Variants in FTO observed in about 807,000 individuals in gnomAD.
The protein encoded by FTO is alpha-ketoglutarate-dependent dioxygenase FTO.
In FTO, 47 loss-of-function variants were observed where a neutral mutation model predicts 63.9. The observed-to-expected ratio is 0.74, with a 90% CI of 0.58 to 0.94. The LOEUF (loss-of-function observed/expected upper bound fraction) is 0.94, where lower values mean the gene tolerates loss of function less well. Among genes scored for constraint, FTO ranks in the 40% least tolerant of loss-of-function variants. The pLI, the probability that FTO is intolerant of heterozygous loss-of-function variation, is 0.00. For missense variants in FTO, 562 were observed against 618.1 expected, an observed-to-expected ratio of 0.91 and a Z score of 0.96; for synonymous variants, 207 against 224.4, an observed-to-expected ratio of 0.92 and a Z score of 0.69.
intron 3 of FTO, among the ~76,000 whole-genome samples, chr16:53,835,681 C>T (rs2079269576): frequency 6.6e-6 from 1 of 151,892 alleles, no homozygotes; most frequent in Non-Finnish European, 1.5e-5. Context: ...GGCTTTCAAT[C>T]ATGCCCTTCA....
intron 7 of FTO, among the ~76,000 whole-genome samples, chr16:53,917,550 T>C (rs1273847646): frequency 1.3e-5 from 2 of 152,152 alleles, no homozygotes; most frequent in Admixed American, 1.3e-4. Context: ...TGTTATGTTT[T>C]TGTTATTGTT....
chr16:53,972,082 CA>C (rs2083336720), intron 8 of FTO, among the ~76,000 whole-genome samples: 1 of 152,096 alleles, frequency 6.6e-6, no homozygotes, highest in African/African-American at 2.4e-5. Context: ...CATATGGAGA[CA>C]GGGGTCCTAT....
intron 3 of FTO, among the ~76,000 whole-genome samples, chr16:53,827,407 A>G (rs1004919608): frequency 6.6e-6 from 1 of 152,192 alleles, no homozygotes; most frequent in Non-Finnish European, 1.5e-5. Context: ...ATTTACTGAA[A>G]GATGTTTGGA....
chr16:54,053,466 A>T (rs2085358550), intron 8 of FTO, among the ~76,000 whole-genome samples: 1 of 152,142 alleles, frequency 6.6e-6, no homozygotes, highest in Non-Finnish European at 1.5e-5. Flanking sequence ...TCGCTTACAG[A>T]AGCCGAACTG....
intron 8 of FTO, chr16:53,991,544 G>A (rs1338117605): frequency 6.6e-6 from 1 of 152,170 alleles, no homozygotes; most frequent in East Asian, 1.9e-4. Flanking sequence ...AAATATGCAA[G>A]CACAAAACAG....
intron 1 of FTO, among the ~76,000 whole-genome samples, chr16:53,768,775 A>G (rs548154284): frequency 6.6e-6 from 1 of 152,114 alleles, no homozygotes; most frequent in African/African-American, 2.4e-5. Flanking sequence ...CCATGTCAAA[A>G]CTTGCCTTGT....
intron 1 of FTO, among the ~76,000 whole-genome samples, chr16:53,768,943 G>C (rs1363937911): frequency 3.9e-5 from 6 of 152,144 alleles, no homozygotes; most frequent in Admixed American, 3.9e-4. Flanking sequence ...CCACAATGAA[G>C]TTAATCCTTG....
intron 1 of FTO, among the ~76,000 whole-genome samples, chr16:53,734,992 A>T (rs2076358081): frequency 6.6e-6 from 1 of 152,236 alleles, no homozygotes; most frequent in Non-Finnish European, 1.5e-5. Flanking sequence ...AGGGAATGCG[A>T]TTCCTACGCT....
chr16:53,811,034 G>T (rs2078506457), intron 2 of FTO, among the ~76,000 whole-genome samples: 1 of 152,190 alleles, frequency 6.6e-6, no homozygotes, highest in South Asian at 2.1e-4. Context: ...TTGGAGTCAT[G>T]TGCTTATTAC....
intron 8 of FTO, among the ~76,000 whole-genome samples, chr16:53,940,712 G>A (rs74022305): frequency 0.039 from 6,004 of 152,284 alleles, 230 homozygotes; most frequent in African/African-American, 0.1. Context: ...AATGTTTATG[G>A]AAGTTTCTTC....
At position 53,868,934 on chromosome 16, in the gene FTO, C is replaced by T. The variant is rs376806747; in HGVS notation, c.896-4852C>T. Among the ~76,000 whole-genome samples the T allele has an allele frequency of 5.9e-5, 9 of 152,130 alleles. 1 individual carries two copies. The highest frequency in any genetic ancestry group is 1.9e-4 in the East Asian group (1 of 5,170). On this transcript the variant is annotated intron_variant, in intron 4 of 8. Transcript: ENST00000471389. ...GCAACCTCCGCCTCCCGGGTTCAAG[C>T]GATTTTCCTGCTTCAGCTTCCCAAG... is the stretch of plus-strand genomic sequence containing the variant.
intron 3 of FTO, among the ~76,000 whole-genome samples, chr16:53,829,314 C>T (rs1356790860): frequency 6.6e-6 from 1 of 152,232 alleles, no homozygotes; most frequent in Non-Finnish European, 1.5e-5. Flanking sequence ...TCTGCTGTAG[C>T]TTTCCAGCAC....
Position 53,934,050 on chromosome 16 carries a change from G to T in FTO, c.1305G>T (p.Leu435Phe). The part of the protein sequence containing the change: ...GLPVEQRNEI[L>F]TAILASLTAR... ...CCGTGGAACAAAGGAATGAAATCTT[G>T]ACTGCCATCCTTGCCTCGCTCACTG... Residue 435 changes from leucine to phenylalanine, a missense_variant, in exon 8 of 9, where the codon TTG becomes TTT. Coordinates refer to ENST00000471389, the MANE Select transcript of FTO (RefSeq NM_001080432.3). The T allele has an allele frequency of 6.2e-7, 1 of 1,614,064 alleles. No individual in the cohort carries two copies. Among genetic ancestry groups the T allele is most frequent in the South Asian group, 1.1e-5 (1 of 91,076 alleles).
intron 1 of FTO, among the ~76,000 whole-genome samples, chr16:53,799,211 A>T (rs2151708462): frequency 6.6e-6 from 1 of 152,162 alleles, no homozygotes; most frequent in South Asian, 2.1e-4. Context: ...TGCCTTTGGG[A>T]TTGAAAGCCA....
intron 1 of FTO, among the ~76,000 whole-genome samples, chr16:53,724,818 T>C (rs1314387565): frequency 1.3e-5 from 2 of 152,206 alleles, no homozygotes; most frequent in Non-Finnish European, 2.9e-5. Context: ...GAAATTCAGC[T>C]TGGTCCTCTG....
At chr16:54,003,139 C>T (rs1432251165) in intron 8 of FTO, among the ~76,000 whole-genome samples, 1 of 152,218 alleles carries the variant, frequency 6.6e-6, no homozygotes, top group Non-Finnish European at 1.5e-5. Context: ...AGTATTCTTT[C>T]CTGCCTTTTA....
intron 8 of FTO, among the ~76,000 whole-genome samples, chr16:53,949,280 G>A (rs2082717982): frequency 6.6e-6 from 1 of 152,200 alleles, no homozygotes; most frequent in Admixed American, 6.5e-5. Context: ...AAGATGTCAT[G>A]TGGCCAGAAT....
intron 8 of FTO, among the ~76,000 whole-genome samples, chr16:54,049,259 A>G (rs2085258435): frequency 6.6e-6 from 1 of 152,200 alleles, no homozygotes; most frequent in African/African-American, 2.4e-5. Context: ...TATTTCTACA[A>G]GTACCGTCAC....
chr16:53,823,189 T>C (rs1315571618), intron 2 of FTO, among the ~76,000 whole-genome samples: 1 of 152,220 alleles, frequency 6.6e-6, no homozygotes, highest in Non-Finnish European at 1.5e-5. Context: ...CCAAATCTAC[T>C]GGATCATCTG....
Sources: gnomAD v4.1 joint callset for allele counts (sites outside exome capture counted in the v4.1 genomes callset) on GRCh38, gnomAD v4.1.1 for gene constraint, MANE v1.5 for transcripts, NCBI Gene and HGNC (gene_info 2026-07-23, HGNC 2026-07-21) for gene names.